Variants in ZC3H12B observed in about 807,000 individuals in gnomAD.
ZC3H12B encodes the protein zinc finger CCCH-type containing 12B.
Under a neutral mutation model 43.9 loss-of-function variants are expected in ZC3H12B, and 7 were observed. The ratio of observed to expected loss-of-function variants is 0.16; its 90% confidence interval spans 0.09 to 0.30. The LOEUF is 0.30. Among genes scored for constraint, ZC3H12B ranks in the 10% least tolerant of loss-of-function variants. The probability of loss-of-function intolerance (pLI) is 1.00; values close to 1 mark genes in which losing one functional copy is unlikely to be tolerated. For synonymous variants in ZC3H12B, 222 were observed against 241.7 expected (o/e 0.92, Z 0.76); for missense variants, 475 against 670.2 (o/e 0.71, Z 3.22).
chrX:65,237,211 C>A, the ZC3H12B span, among the ~76,000 whole-genome samples: 21 of 111,759 alleles, frequency 1.9e-4, no homozygotes, highest in African/African-American at 6.8e-4. Context: ...TTTGTGTCCT[C>A]TCTGATTTCC....
At chrX:65,231,014 C>T in the ZC3H12B span, among the ~76,000 whole-genome samples, 1 of 111,331 alleles carries the variant, frequency 9.0e-6, no homozygotes, top group African/African-American at 3.3e-5. Flanking sequence ...GGGAACCAGC[C>T]CCCAGTATTT....
chrX:65,160,039 G>A, the ZC3H12B span, among the ~76,000 whole-genome samples: 4 of 111,909 alleles, frequency 3.6e-5, no homozygotes, highest in Non-Finnish European at 7.5e-5. Context: ...TTTTGTCTTT[G>A]GTTCGGATTA....
At chrX:65,244,453 T>A in the ZC3H12B span, among the ~76,000 whole-genome samples, 1 of 109,021 alleles carries the variant, frequency 9.2e-6, no homozygotes, top group Admixed American at 9.8e-5. Flanking sequence ...CTTAATTCAT[T>A]AAAAAAAAGT....
chrX:65,354,800 G>A, the ZC3H12B span, among the ~76,000 whole-genome samples: 1 of 111,769 alleles, frequency 8.9e-6, no homozygotes, highest in Non-Finnish European at 1.9e-5. Flanking sequence ...CACAGCACAA[G>A]AATTTCATAA....
At chrX:65,166,077 G>A in the ZC3H12B span, among the ~76,000 whole-genome samples, 4 of 110,442 alleles carry the variant, frequency 3.6e-5, no homozygotes, top group Non-Finnish European at 7.6e-5. Context: ...TTAAGTTCTA[G>A]GGTACATGTG....
the ZC3H12B span, among the ~76,000 whole-genome samples, chrX:65,354,022 C>G: frequency 9.0e-6 from 1 of 111,468 alleles, no homozygotes; most frequent in African/African-American, 3.3e-5. Context: ...GGGGAAGGGG[C>G]GGTTGTGGGC....
chrX:65,083,348 A>T, the ZC3H12B span, among the ~76,000 whole-genome samples: 2 of 111,906 alleles, frequency 1.8e-5, no homozygotes, highest in South Asian at 7.4e-4. Context: ...ATGATCTTAT[A>T]CTTAGAAAAA....
the ZC3H12B span, among the ~76,000 whole-genome samples, chrX:65,090,590 T>C: frequency 7.2e-5 from 8 of 111,840 alleles, no homozygotes; most frequent in East Asian, 2.3e-3. Flanking sequence ...TTATACCTTG[T>C]GGTTGGCTCC....
chrX:65,231,897 G>A, the ZC3H12B span, among the ~76,000 whole-genome samples: 24 of 111,501 alleles, frequency 2.2e-4, no homozygotes, highest in African/African-American at 7.2e-4. Flanking sequence ...GTCGTAAGGT[G>A]ACATACATCC....
the ZC3H12B span, among the ~76,000 whole-genome samples, chrX:65,172,518 T>C: frequency 8.9e-6 from 1 of 112,156 alleles, no homozygotes; most frequent in East Asian, 2.8e-4. Flanking sequence ...CTATGTCCTG[T>C]ATGGTATTAA....
the ZC3H12B span, among the ~76,000 whole-genome samples, chrX:65,087,193 G>T: frequency 2.7e-5 from 3 of 110,919 alleles, no homozygotes; most frequent in Non-Finnish European, 3.8e-5. Flanking sequence ...TGGCATACCA[G>T]GATGCCCTCT....
the ZC3H12B span, among the ~76,000 whole-genome samples, chrX:65,102,037 C>T: frequency 7.2e-5 from 8 of 111,835 alleles, no homozygotes; most frequent in Non-Finnish European, 1.1e-4. Context: ...TTATTCACTA[C>T]GGTCAAGTTG....
At chrX:65,043,415 C>T in the ZC3H12B span, among the ~76,000 whole-genome samples, 1 of 109,366 alleles carries the variant, frequency 9.1e-6, no homozygotes, top group Non-Finnish European at 1.9e-5. Flanking sequence ...AAATTGAGAC[C>T]CAGAGATAAT....
chrX:65,205,658 T>TA, the ZC3H12B span, among the ~76,000 whole-genome samples: 1 of 111,537 alleles, frequency 9.0e-6, no homozygotes, highest in African/African-American at 3.3e-5. Context: ...TTCAACATAG[T>TA]ACTGGAAGTT....
intron 3 of ZC3H12B, among the ~76,000 whole-genome samples, chrX:65,429,925 G>A (rs924384983): frequency 5.4e-5 from 6 of 112,143 alleles, no homozygotes; most frequent in Non-Finnish European, 1.1e-4. Flanking sequence ...AGAGATGGTG[G>A]CCACCTCTCC....
At chrX:65,287,275 A>T in the ZC3H12B span, among the ~76,000 whole-genome samples, 236 of 111,960 alleles carry the variant, frequency 2.1e-3, 1 homozygote, top group Non-Finnish European at 3.5e-3. Context: ...TAGGGTAGAT[A>T]ATATTTGGGG....
chrX:65,282,570 A>T, the ZC3H12B span, among the ~76,000 whole-genome samples: 5 of 111,611 alleles, frequency 4.5e-5, no homozygotes, highest in South Asian at 1.9e-3. Flanking sequence ...CAGAATTCGT[A>T]GACAGCAAGA....
the ZC3H12B span, among the ~76,000 whole-genome samples, chrX:65,155,148 G>A: frequency 9.1e-6 from 1 of 109,955 alleles, no homozygotes; most frequent in African/African-American, 3.3e-5. Flanking sequence ...TATAGAGACA[G>A]GGTTTCACCA....
chrX:65,298,387 A>C, the ZC3H12B span, among the ~76,000 whole-genome samples: 1 of 112,393 alleles, frequency 8.9e-6, no homozygotes, highest in South Asian at 3.7e-4. Context: ...TGTGGGATGC[A>C]GTAAAAGAAG....
Sources: allele counts gnomAD v4.1 joint callset (sites outside exome capture counted in the v4.1 genomes callset), GRCh38; gene constraint gnomAD v4.1.1; transcripts MANE v1.5; gene names NCBI Gene and HGNC (gene_info 2026-07-23, HGNC 2026-07-21).